Variants in ZNF362 observed in about 807,000 individuals in gnomAD.
ZNF362 encodes rotund homolog.
ZNF362 carries 11 observed loss-of-function variants against 42.9 expected under a neutral mutation model. The observed-to-expected ratio is 0.26, with a 90% CI of 0.16 to 0.42. ZNF362 has a LOEUF of 0.42. Ranked by LOEUF, ZNF362 falls within the 20% of genes least tolerant of loss-of-function variation. The pLI is 1.00. For missense variants in ZNF362, 362 were observed against 576.2 expected, an observed-to-expected ratio of 0.63 and a Z score of 3.81; for synonymous variants, 255 against 257.3, an observed-to-expected ratio of 0.99 and a Z score of 0.09.
chr1:33,244,044 A>G, the ZNF362 span, among the ~76,000 whole-genome samples: 6 of 152,164 alleles, frequency 3.9e-5, no homozygotes, highest in Non-Finnish European at 8.8e-5. The surrounding 1 kb of genome is among the most constrained non-coding windows in gnomAD (Gnocchi z 4.0). Flanking sequence ...GAGGGATGGG[A>G]TGGGGGAAGC....
intron 6 of ZNF362, among the ~76,000 whole-genome samples, chr1:33,285,474 A>G (rs12736971): frequency 0.17 from 25,722 of 152,186 alleles, 2,706 homozygotes; most frequent in South Asian, 0.26. Flanking sequence ...GGGTCTTTTA[A>G]TCCCATAAAG....
chr1:33,188,701 C>T, the ZNF362 span, among the ~76,000 whole-genome samples: 6,177 of 152,290 alleles, frequency 0.041, 404 homozygotes, highest in African/African-American at 0.14. Flanking sequence ...AGAGGAAGCC[C>T]ATGCTGTTGG....
At chr1:33,219,942 G>C in the ZNF362 span, among the ~76,000 whole-genome samples, 57 of 152,088 alleles carry the variant, frequency 3.7e-4, no homozygotes, top group Non-Finnish European at 7.6e-4. Context: ...CCAGCTCAGG[G>C]CCCCCTACTC....
chr1:33,255,627 G>A (rs1353743113), upstream of ZNF362, among the ~76,000 whole-genome samples: 1 of 152,308 alleles, frequency 6.6e-6, no homozygotes, highest in Admixed American at 6.5e-5. Flanking sequence ...GGAGCCGGGG[G>A]ACAGCCGGTG....
At chr1:33,194,364 C>T in the ZNF362 span, among the ~76,000 whole-genome samples, 1 of 151,732 alleles carries the variant, frequency 6.6e-6, no homozygotes, top group Admixed American at 6.6e-5. Flanking sequence ...GGCAAAACCC[C>T]ATCTCTACTA....
the ZNF362 span, among the ~76,000 whole-genome samples, chr1:33,145,162 CT>C: frequency 6.6e-5 from 10 of 152,070 alleles, no homozygotes; most frequent in African/African-American, 1.9e-4. Context: ...GACTGACAGC[CT>C]TCCCTGGCTG....
At chr1:33,200,100 G>C in the ZNF362 span, 1 of 152,344 alleles carries the variant, frequency 6.6e-6, no homozygotes, top group Admixed American at 6.5e-5. Flanking sequence ...AGTCCAGGAG[G>C]GGCTAAGTGG....
the ZNF362 span, among the ~76,000 whole-genome samples, chr1:33,177,183 G>GTAA: frequency 6.6e-6 from 1 of 152,142 alleles, no homozygotes; most frequent in African/African-American, 2.4e-5. The surrounding 1 kb of genome is among the most constrained non-coding windows in gnomAD (Gnocchi z 4.1). Context: ...GAACTGTATA[G>GTAA]TAACTCCTGC....
At chr1:33,177,240 A>AT in the ZNF362 span, among the ~76,000 whole-genome samples, 1 of 152,312 alleles carries the variant, frequency 6.6e-6, no homozygotes, top group East Asian at 1.9e-4. This position sits in a 1 kb window ranked among gnomAD's most constrained non-coding sequence, Gnocchi z 4.1. Flanking sequence ...CTTTTACATT[A>AT]TACAGCTCTG....
At chr1:33,162,754 A>T in the ZNF362 span, 1 of 152,760 alleles carries the variant, frequency 6.5e-6, no homozygotes, top group Non-Finnish European at 1.5e-5. Context: ...CCACCCCTGG[A>T]GCCCCAAGTA....
the ZNF362 span, among the ~76,000 whole-genome samples, chr1:33,132,491 G>T: frequency 6.6e-6 from 1 of 152,166 alleles, no homozygotes; most frequent in Non-Finnish European, 1.5e-5. Flanking sequence ...CCTCTGCCTG[G>T]ACTATCCTTT....
At chr1:33,175,148 C>T in the ZNF362 span, among the ~76,000 whole-genome samples, 5 of 151,778 alleles carry the variant, frequency 3.3e-5, no homozygotes, top group African/African-American at 4.8e-5. Context: ...AAGCGATTCT[C>T]GTGCCTCAGC....
intron 1 of ZNF362, among the ~76,000 whole-genome samples, chr1:33,269,224 T>C (rs1252519881): frequency 1.3e-5 from 2 of 152,208 alleles, no homozygotes; most frequent in Non-Finnish European, 2.9e-5. Context: ...ACCCTCCATC[T>C]GTTCCCCGCA....
chr1:33,193,002 CACATAT>C, the ZNF362 span, among the ~76,000 whole-genome samples: 59 of 20,964 alleles, frequency 2.8e-3, no homozygotes, highest in South Asian at 0.11. Flanking sequence ...CACACACACA[CACATAT>C]ATATATATAT....
the ZNF362 span, among the ~76,000 whole-genome samples, chr1:33,249,340 T>C: frequency 6.6e-6 from 1 of 152,204 alleles, no homozygotes; most frequent in South Asian, 2.1e-4. Flanking sequence ...ACAGTTCTAG[T>C]TGGGGATGAA....
the ZNF362 span, among the ~76,000 whole-genome samples, chr1:33,191,547 C>T: frequency 6.6e-6 from 1 of 151,914 alleles, no homozygotes; most frequent in Non-Finnish European, 1.5e-5. Flanking sequence ...CTCGCTGTGT[C>T]CCCCAGGCAG....
chr1:33,280,479 G>A lies in ZNF362; in HGVS notation c.683+22G>A. 1 of 1,529,508 alleles carries A rather than the reference G, an allele frequency of 6.5e-7. No homozygotes were observed. The highest frequency in any genetic ancestry group is 8.8e-7 in the Non-Finnish European group (1 of 1,133,522). The allele number at this position is 1,529,508 out of a possible 1,614,324, so 94.7% of individuals were successfully genotyped here. On this transcript the variant is annotated intron_variant, in intron 5 of 8. Transcript: ENST00000539719. This position sits in a 1 kb window ranked among gnomAD's most constrained non-coding sequence, Gnocchi z 5.6. The stretch of plus-strand genomic sequence containing the variant: ...ACAGGTGGGGGTCTTGGCGGGATGG[G>A]GTCCGAGTGGGCTTGGGGCTGGGGC...
At chr1:33,183,112 G>A in the ZNF362 span, among the ~76,000 whole-genome samples, 2 of 152,170 alleles carry the variant, frequency 1.3e-5, no homozygotes, top group Non-Finnish European at 2.9e-5. Context: ...TGTTGTCATC[G>A]TGCCTGCAGG....
At chr1:33,223,953 T>C in the ZNF362 span, among the ~76,000 whole-genome samples, 1 of 151,620 alleles carries the variant, frequency 6.6e-6, no homozygotes, top group Non-Finnish European at 1.5e-5. Context: ...GCTTAGTCCC[T>C]GACTGCATTA....
Sources: gnomAD v4.1 joint callset for allele counts (sites outside exome capture counted in the v4.1 genomes callset) on GRCh38, gnomAD v4.1.1 for gene constraint, Gnocchi (gnomAD v3.1) non-coding constraint, MANE v1.5 for transcripts, NCBI Gene and HGNC (gene_info 2026-07-23, HGNC 2026-07-21) for gene names.